The following MTA1 variants were observed in gnomAD, a reference collection of about 807,000 sequenced individuals.
MTA1 encodes the protein metastasis-associated protein MTA1.
In MTA1, 15 loss-of-function variants were observed where a neutral mutation model predicts 97.0. The ratio of observed to expected loss-of-function variants is 0.15; its 90% confidence interval spans 0.10 to 0.24. The LOEUF (loss-of-function observed/expected upper bound fraction) is 0.24, where lower values mean the gene tolerates loss of function less well. Ranked by LOEUF, MTA1 falls within the 10% of genes least tolerant of loss-of-function variation. The pLI is 1.00. For synonymous variants in MTA1, 435 were observed against 417.5 expected (o/e 1.04, Z -0.51); for missense variants, 709 against 1,015.1 (o/e 0.70, Z 4.10).
intron 16 of MTA1, chr14:105,466,158 C>T: frequency 3.7e-6 from 2 of 538,494 alleles, no homozygotes; most frequent in Non-Finnish European, 3.3e-6. Flanking sequence ...GGCTGAGGGG[C>T]CTGGCCCCCG....
chr14:105,466,768 G>T, intron 18 of MTA1, 26 bp downstream of exon 18: 1 of 1,558,860 alleles, frequency 6.4e-7, no homozygotes, highest in South Asian at 1.2e-5. Context: ...GCGGGCGGGC[G>T]CTGCGCCGGC....
intron 8 of MTA1, among the ~76,000 whole-genome samples, chr14:105,458,722 G>A (rs939145894): frequency 1.1e-4 from 17 of 152,208 alleles, no homozygotes; most frequent in African/African-American, 3.1e-4. Flanking sequence ...GCTGCAGCCC[G>A]GGCAGACCCC....
rs1421048633 is a variant in MTA1 at position 105,422,161 on chromosome 14, G to A, written c.28+2098G>A. Among the ~76,000 whole-genome samples, 3 of 152,290 alleles carry A rather than the reference G, an allele frequency of 2.0e-5. No homozygotes were observed. In the East Asian group the frequency reaches 5.8e-4, roughly 29 times the overall value. On this transcript the variant is annotated intron_variant, in intron 1 of 20. Coordinates refer to ENST00000331320, the MANE Select transcript of MTA1 (RefSeq NM_004689.4). The surrounding 1 kb of genome is among the most constrained non-coding windows in gnomAD (Gnocchi z 4.3). ...CCGAGGACTTCCTCTCCCTGCAGGTGAGACTGTAGGCCTCCCCCTCTCTAC... is the reference window on the plus strand; with the variant it reads ...CCGAGGACTTCCTCTCCCTGCAGGTAAGACTGTAGGCCTCCCCCTCTCTAC...
chr14:105,469,481 G>C lies in MTA1; in HGVS notation c.1828G>C (p.Gly610Arg). The C allele has an allele frequency of 6.2e-7, 1 of 1,612,964 alleles. No homozygotes were observed. Among genetic ancestry groups the C allele is most frequent in the East Asian group, 2.2e-5 (1 of 44,874 alleles). Residue 610 changes from glycine to arginine, a missense_variant, in exon 19 of 21, where the codon GGA becomes CGA. Gly to Arg is a moderately radical substitution (Grantham distance 125). Around this residue, in one of 2 missense-constraint regions of MTA1, gnomAD observed 388 missense variants for 421.6 expected, o/e 0.92. Transcript: ENST00000331320. ...LMPSRGLANH[G>R]QARHMGPSRN... ...TTTCTCATCAGGTCTGGCAAACCAC[G>C]GACAGGCCAGGCACATGGTAAGAGG...
chr14:105,421,668 C>T (rs587659008), intron 1 of MTA1, among the ~76,000 whole-genome samples: 2 of 152,344 alleles, frequency 1.3e-5, no homozygotes, highest in South Asian at 2.1e-4. Flanking sequence ...TCCCATGCCT[C>T]GGTTTCCCCA....
chr14:105,441,590 C>A (rs1480015179), intron 2 of MTA1, among the ~76,000 whole-genome samples: 1 of 152,190 alleles, frequency 6.6e-6, no homozygotes, highest in East Asian at 1.9e-4. Context: ...ATCAGGAGAT[C>A]GAGACCATCC....
At chr14:105,421,447 C>G (rs1036282174) in intron 1 of MTA1, among the ~76,000 whole-genome samples, 1 of 152,202 alleles carries the variant, frequency 6.6e-6, no homozygotes, top group Non-Finnish European at 1.5e-5. Flanking sequence ...GGGCTCCAGC[C>G]GGGCCCACTG....
intron 1 of MTA1, among the ~76,000 whole-genome samples, chr14:105,429,513 ACG>A: frequency 6.8e-6 from 1 of 147,442 alleles, no homozygotes; most frequent in South Asian, 2.1e-4. Flanking sequence ...GTGCAGTGGC[ACG>A]ATCTCGGCTC....
rs868906666 is a variant in MTA1 at position 105,460,030 on chromosome 14, A to G, written c.654-328A>G. Among the ~76,000 whole-genome samples, 157 of 27,460 alleles carry G rather than the reference A, an allele frequency of 5.7e-3. 2 individuals carry two copies. The highest frequency in any genetic ancestry group is 0.03 in the African/African-American group (146 of 4,854). 18.0% of individuals were successfully genotyped at this position (27,460 alleles called of 152,430 possible). Reference sequence around the variant, plus strand: ...TGCCTGGGGGAAGTCCGTGCTGCCCATGGCCCCTGGTCCCTGGCACCTGGG... The same window carrying G: ...TGCCTGGGGGAAGTCCGTGCTGCCCGTGGCCCCTGGTCCCTGGCACCTGGG... On this transcript the variant is annotated intron_variant, in intron 8 of 20. Coordinates refer to ENST00000331320, the MANE Select transcript of MTA1 (RefSeq NM_004689.4).
Position 105,419,949 on chromosome 14 carries a change from GC to G in MTA1, c.-82del. 2.6e-6 allele frequency: 1 copy of G among 386,372 alleles called. No homozygotes were observed. Among genetic ancestry groups the G allele is most frequent in the Non-Finnish European group, 3.4e-6 (1 of 293,274 alleles). The allele number at this position is 386,372 out of a possible 1,614,324, so 23.9% of individuals were successfully genotyped here. The stretch of plus-strand genomic sequence containing the variant: ...CCTTTAAACGCCTGCGGCGCCCCCC[GC>G]CCCCGCCATCGCGCCTCCATTTTCC... On this transcript the variant is annotated 5_prime_UTR_variant, in exon 1 of 21. Transcript: ENST00000331320.
intron 19 of MTA1, 78 bp from the exon 20 acceptor site, chr14:105,469,763 A>ACCTTGGCGGGTGGCC: frequency 6.5e-7 from 1 of 1,527,824 alleles, no homozygotes; most frequent in South Asian, 1.2e-5. Flanking sequence ...CAGGCACAGC[A>ACCTTGGCGGGTGGCC]CCTCCCAGCG....
At chr14:105,445,012 C>T (rs1281064358) in intron 2 of MTA1, among the ~76,000 whole-genome samples, 1 of 152,112 alleles carries the variant, frequency 6.6e-6, no homozygotes, top group African/African-American at 2.4e-5. Flanking sequence ...AGGCTGCGTC[C>T]GCCGCTAGGG....
intron 2 of MTA1, among the ~76,000 whole-genome samples, chr14:105,442,980 G>A (rs949072380): frequency 1.3e-5 from 2 of 152,234 alleles, no homozygotes; most frequent in African/African-American, 2.4e-5. Context: ...CTGGCCCCAC[G>A]GTCCCAGCTG....
At chr14:105,455,395 C>A (rs2083105348) in intron 7 of MTA1, among the ~76,000 whole-genome samples, 1 of 152,220 alleles carries the variant, frequency 6.6e-6, no homozygotes, top group Non-Finnish European at 1.5e-5. Context: ...GTGGGAGGTC[C>A]TGGGGCTCAC....
At chr14:105,466,344 C>A in intron 16 of MTA1, 82 bp from the exon 17 acceptor site, 2 of 1,300,344 alleles carry the variant, frequency 1.5e-6, no homozygotes, top group Non-Finnish European at 2.2e-6. Context: ...TATCCCGGAA[C>A]CATGAGGGCT....
chr14:105,432,353 G>T (rs2082201054), intron 1 of MTA1, among the ~76,000 whole-genome samples: 1 of 152,098 alleles, frequency 6.6e-6, no homozygotes, highest in Admixed American at 6.5e-5. Context: ...CAATTATCCT[G>T]CCTCAGCCTC....
At chr14:105,438,786 C>T (rs1434950138) in intron 2 of MTA1, 47 bp downstream of exon 2, 15 of 1,594,620 alleles carry the variant, frequency 9.4e-6, no homozygotes, top group Admixed American at 1.7e-5. Context: ...TGGGTGGGGG[C>T]TACGCCAGCT....
At chr14:105,450,454 G>T in intron 6 of MTA1, 130 bp downstream of exon 6, 1 of 1,082,292 alleles carries the variant, frequency 9.2e-7, no homozygotes. Flanking sequence ...TGTTCTGGGG[G>T]GAAGCGGGGA....
chr14:105,455,179 T>A (rs1225476025), intron 7 of MTA1, among the ~76,000 whole-genome samples: 1 of 152,232 alleles, frequency 6.6e-6, no homozygotes, highest in African/African-American at 2.4e-5. Context: ...CTGCTGGGAT[T>A]ACATGTGTGA....
Sources: allele counts gnomAD v4.1 joint callset (sites outside exome capture counted in the v4.1 genomes callset), GRCh38; gene constraint gnomAD v4.1.1; regional missense constraint gnomAD v4.1.1; non-coding constraint Gnocchi (gnomAD v3.1); transcripts MANE v1.5; gene names NCBI Gene and HGNC (gene_info 2026-07-23, HGNC 2026-07-21).